The following NAPA variants were observed in gnomAD, a reference collection of about 807,000 sequenced individuals.
NAPA encodes alpha-soluble NSF attachment protein.
A neutral mutation model predicts 48.0 loss-of-function variants in NAPA; 18 were observed. That is an observed-to-expected ratio of 0.38 (90% CI 0.26 to 0.56). The LOEUF is 0.56. Among genes scored for constraint, NAPA ranks in the 20% least tolerant of loss-of-function variants. The pLI, the probability that NAPA is intolerant of heterozygous loss-of-function variation, is 0.77. For missense variants in NAPA, 315 were observed against 385.0 expected (o/e 0.82, Z 1.52); for synonymous variants, 152 against 149.9 (o/e 1.01, Z -0.10).
chr19:47,489,904 T>A lies in NAPA; in HGVS notation c.736-143A>T. On this transcript the variant is annotated intron_variant, in intron 9 of 10. Coordinates refer to ENST00000263354, the MANE Select transcript of NAPA (RefSeq NM_003827.4). ...TCTCAGAGGGTCAATCCGTGTGGGT[T>A]AAACTGGGGATGGGTACGGGCGTGT... 10 of 787,356 alleles carry A rather than the reference T, an allele frequency of 1.3e-5. 2 individuals carry two copies. Among genetic ancestry groups the A allele is most frequent in the South Asian group, 1.2e-4 (8 of 66,172 alleles). 48.8% of individuals were successfully genotyped at this position (787,356 alleles called of 1,614,324 possible). A position where few individuals can be genotyped will look rare whatever the true frequency, so the allele number is the denominator to read the frequency against.
In NAPA at chr19:47,488,198, G is replaced by A; in HGVS notation, c.*90C>T. The A allele has an allele frequency of 2.3e-6, 3 of 1,293,644 alleles. No homozygotes were observed. The highest frequency in any genetic ancestry group is 2.6e-5 in the South Asian group (2 of 77,140). The allele number at this position is 1,293,644 out of a possible 1,614,324, so 80.1% of individuals were successfully genotyped here. ...GTGGCCCGCGGCACTCCCCAGATGG[G>A]AAAGGAGGGAAGCTCTCCAGCAAGT... On this transcript the variant is annotated 3_prime_UTR_variant, in exon 11 of 11. Coordinates refer to ENST00000263354, the MANE Select transcript of NAPA (RefSeq NM_003827.4).
rs1474332252 is a variant in NAPA at position 47,493,852 on chromosome 19, G to A, written c.343-359C>T. On this transcript the variant is annotated intron_variant, in intron 4 of 10. Transcript: ENST00000263354. The surrounding 1 kb of genome is among the most constrained non-coding windows in gnomAD (Gnocchi z 6.4). ...CTTAGGAAGCCTCTGATAACAGCCAGAGAGGCGGAAGGACCAGTCCAGAGC... is the reference window on the plus strand; with the variant it reads ...CTTAGGAAGCCTCTGATAACAGCCAAAGAGGCGGAAGGACCAGTCCAGAGC... 6.6e-6 allele frequency among the ~76,000 whole-genome samples: 1 copy of A among 152,182 alleles called. No homozygotes were observed. Among genetic ancestry groups the A allele is most frequent in the African/African-American group, 2.4e-5 (1 of 41,448 alleles).
intron 2 of NAPA, 147 bp downstream of exon 2, chr19:47,503,276 A>G (rs1331607255): frequency 1.4e-6 from 1 of 714,432 alleles, no homozygotes; most frequent in Non-Finnish European, 2.5e-6. Flanking sequence ...GGCACAAAAC[A>G]AGAGAGCAGG....
In NAPA at chr19:47,492,118, A is replaced by T; in HGVS notation, c.563T>A (p.Val188Glu). 1 of 1,613,262 alleles carries T rather than the reference A, an allele frequency of 6.2e-7. No individual in the cohort carries two copies. The highest frequency in any genetic ancestry group is 1.1e-5 in the South Asian group (1 of 91,020). Residue 188 changes from valine to glutamate, a missense_variant and splice_region_variant, in exon 8 of 11, where the codon GTG (valine) becomes GAG (glutamate). This residue lies in a region of NAPA where 137 missense variants were observed against 150.1 expected (regional missense o/e 0.91). Coordinates refer to ENST00000263354, the MANE Select transcript of NAPA (RefSeq NM_003827.4). The part of the protein sequence containing the change: ...YQKAIDIYEQ[V>E]GTNAMDSPLL... Reference sequence around the variant, plus strand: ...GGGGCTGTCCATGGCATTGGTCCCCACCTGTAGCCATGGAGAAGTGGCACT... The same window carrying T: ...GGGGCTGTCCATGGCATTGGTCCCCTCCTGTAGCCATGGAGAAGTGGCACT...
At chr19:47,488,429 C>G (rs774864839) in intron 10 of NAPA, 40 bp from the exon 11 acceptor site, 10 of 1,532,324 alleles carry the variant, frequency 6.5e-6, no homozygotes, top group Non-Finnish European at 9.0e-6. Context: ...ATGCTCCCCC[C>G]GTTCCCAACC....
chr19:47,493,308 C>T lies in NAPA; in HGVS notation c.420+108G>A, dbSNP rs1968330497. 6.7e-7 allele frequency: 1 copy of T among 1,499,246 alleles called. No individual in the cohort carries two copies. Among genetic ancestry groups the T allele is most frequent in the Non-Finnish European group, 9.2e-7 (1 of 1,086,352 alleles). 92.9% of individuals were successfully genotyped at this position (1,499,246 alleles called of 1,614,324 possible). On this transcript the variant is annotated intron_variant, in intron 5 of 10. Transcript: ENST00000263354. The surrounding 1 kb of genome is among the most constrained non-coding windows in gnomAD (Gnocchi z 6.4). ...CATTCTCCAAGCTCTGCCGGCGCCC[C>T]ATGCCCCCTTCTCGGCACTCAGACA...
At chr19:47,496,817 TCTGA>T (rs1568466421) in intron 3 of NAPA, 1 of 347,558 alleles carries the variant, frequency 2.9e-6, no homozygotes, top group Non-Finnish European at 5.6e-6. Context: ...AACCCCTCCT[TCTGA>T]CATGTAAACA....
chr19:47,503,580 G>A (rs966454467), intron 1 of NAPA, 78 bp from the exon 2 acceptor site: 22 of 1,363,764 alleles, frequency 1.6e-5, no homozygotes, highest in African/African-American at 8.6e-5. Context: ...CTCCAGTGCC[G>A]GGCACAGACG....
At position 47,488,405 on chromosome 19, in the gene NAPA, G is replaced by A. The variant is rs1350270044; in HGVS notation, c.787-16C>T. 3.1e-6 allele frequency: 5 copies of A among 1,598,274 alleles called. No homozygotes were observed. The highest frequency in any genetic ancestry group is 4.3e-6 in the Non-Finnish European group (5 of 1,166,940). On this transcript the variant is annotated splice_polypyrimidine_tract_variant and intron_variant, in intron 10 of 10. Coordinates refer to ENST00000263354, the MANE Select transcript of NAPA (RefSeq NM_003827.4). The stretch of plus-strand genomic sequence containing the variant: ...ATTCCTTCACCTGAGGGCACACCAG[G>A]TGATAGGCTGGCCATGCTCCCCCCG...
chr19:47,486,587 C>G (rs1968084383), downstream of NAPA, among the ~76,000 whole-genome samples: 1 of 152,206 alleles, frequency 6.6e-6, no homozygotes, highest in South Asian at 2.1e-4. Flanking sequence ...AGGCATGAGC[C>G]ACAGCACCCA....
At chr19:47,492,570 ACACT>A in intron 7 of NAPA, 1 of 406,802 alleles carries the variant, frequency 2.5e-6, no homozygotes, top group Non-Finnish European at 4.7e-6. Flanking sequence ...ACCCCATGTG[ACACT>A]CCCTCCCTCC....
intron 1 of NAPA, among the ~76,000 whole-genome samples, chr19:47,510,984 T>C (rs899028886): frequency 6.6e-6 from 1 of 152,094 alleles, no homozygotes; most frequent in African/African-American, 2.4e-5. Flanking sequence ...AGCCCAGAAA[T>C]AATGAAGAGC....
intron 1 of NAPA, among the ~76,000 whole-genome samples, chr19:47,513,632 C>A (rs1412735887): frequency 1.3e-5 from 2 of 152,002 alleles, no homozygotes; most frequent in Admixed American, 6.6e-5. Flanking sequence ...GTCTCCCAGG[C>A]CTTTTCCCAT....
At chr19:47,514,217 C>A (rs564410196) in intron 1 of NAPA, among the ~76,000 whole-genome samples, 1 of 152,178 alleles carries the variant, frequency 6.6e-6, no homozygotes, top group Admixed American at 6.5e-5. Flanking sequence ...CATGCACCCC[C>A]CACACTTCAG....
chr19:47,489,246 GGA>G (rs994415464), intron 10 of NAPA: 2 of 170,396 alleles, frequency 1.2e-5, no homozygotes, highest in African/African-American at 4.7e-5. Flanking sequence ...GAAAGGGAAG[GGA>G]GAGAGAGCCG....
chr19:47,493,567 T>C lies in NAPA; in HGVS notation c.343-74A>G. The C allele has an allele frequency of 7.5e-7, 1 of 1,333,844 alleles. No homozygotes were observed. Among genetic ancestry groups the C allele is most frequent in the Non-Finnish European group, 1.1e-6 (1 of 931,548 alleles). 82.6% of individuals were successfully genotyped at this position (1,333,844 alleles called of 1,614,324 possible). Reference sequence around the variant, plus strand: ...TGCCTGCCTGCTGACCTATGACCCTTCAAGTTCCCACCCCTCAGCCACGCC... The same window carrying C: ...TGCCTGCCTGCTGACCTATGACCCTCCAAGTTCCCACCCCTCAGCCACGCC... On this transcript the variant is annotated intron_variant, in intron 4 of 10. Transcript: ENST00000263354. The surrounding 1 kb of genome is among the most constrained non-coding windows in gnomAD (Gnocchi z 6.4).
intron 3 of NAPA, among the ~76,000 whole-genome samples, chr19:47,498,116 A>G (rs1417455917): frequency 6.6e-6 from 1 of 152,194 alleles, no homozygotes; most frequent in Non-Finnish European, 1.5e-5. Flanking sequence ...GTCGGGCCTC[A>G]GGCACACTCC....
chr19:47,489,536 C>G, intron 10 of NAPA, 175 bp downstream of exon 10: 1 of 709,976 alleles, frequency 1.4e-6, no homozygotes, highest in Non-Finnish European at 2.3e-6. Flanking sequence ...AGAACACTCC[C>G]TGCGCCTCTT....
rs1366664044 is a variant in NAPA, at chr19:47,503,493, G to A, written c.108C>T (p.Ser36=). The change falls in exon 2 of 11, where the codon TCC becomes TCT. Residue 36 remains serine, a synonymous_variant. Transcript: ENST00000263354. ...SFFSGLFGGS[S]KIEEACEIYA... ...AGATTTCGCATGCTTCCTCTATTTTGGATGAGCCTCTGGGGAAAAAGGAAA... is the reference window on the plus strand; with the variant it reads ...AGATTTCGCATGCTTCCTCTATTTTAGATGAGCCTCTGGGGAAAAAGGAAA... 6.2e-7 allele frequency: 1 copy of A among 1,614,006 alleles called. No homozygotes were observed. The highest frequency in any genetic ancestry group is 1.3e-5 in the African/African-American group (1 of 74,908).
Sources: allele counts gnomAD v4.1 joint callset (sites outside exome capture counted in the v4.1 genomes callset), GRCh38; gene constraint gnomAD v4.1.1; regional missense constraint gnomAD v4.1.1; non-coding constraint Gnocchi (gnomAD v3.1); transcripts MANE v1.5; gene names NCBI Gene and HGNC (gene_info 2026-07-23, HGNC 2026-07-21).